The following BMP8B variants were observed in gnomAD, a reference collection of about 807,000 sequenced individuals.
The protein encoded by BMP8B is bone morphogenetic protein 8b, also known as bone morphogenetic protein 8 (osteogenic protein 2).
BMP8B carries 17 observed loss-of-function variants against 30.3 expected under a neutral mutation model. The observed-to-expected ratio is 0.56, with a 90% CI of 0.38 to 0.84. The LOEUF (loss-of-function observed/expected upper bound fraction) is 0.84. Ranked by LOEUF, BMP8B falls within the 40% of genes least tolerant of loss-of-function variation. The probability of loss-of-function intolerance (pLI) is 0.00; values close to 1 mark genes in which losing one functional copy is unlikely to be tolerated. For missense variants in BMP8B, 253 were observed against 494.6 expected (o/e 0.51, Z 4.63); for synonymous variants, 131 against 214.7 (o/e 0.61, Z 3.41).
At chr1:39,786,153 A>G (rs1650970679) in intron 1 of BMP8B, among the ~76,000 whole-genome samples, 2 of 152,244 alleles carry the variant, frequency 1.3e-5, no homozygotes, top group Admixed American at 6.5e-5. Flanking sequence ...CATGAGTTAA[A>G]TGAGGAATTG....
At chr1:39,785,855 T>G (rs1650945596) in intron 1 of BMP8B, among the ~76,000 whole-genome samples, 1 of 152,110 alleles carries the variant, frequency 6.6e-6, no homozygotes, top group South Asian at 2.1e-4. Context: ...TTAAAGCTAC[T>G]CTAACTGAGA....
chr1:39,786,473 C>T (rs1348659705), intron 1 of BMP8B, among the ~76,000 whole-genome samples: 1 of 152,102 alleles, frequency 6.6e-6, no homozygotes, highest in Non-Finnish European at 1.5e-5. Context: ...GGGTGAGGAA[C>T]TTTCCTAAGG....
chr1:39,764,856 G>A, intron 3 of BMP8B, 39 bp from the exon 4 acceptor site: 1 of 1,604,158 alleles, frequency 6.2e-7, no homozygotes, highest in Non-Finnish European at 8.5e-7. Flanking sequence ...CACGGGCAGT[G>A]GCCCTGCAGC....
chr1:39,787,147 A>C (rs1651039198), intron 1 of BMP8B, among the ~76,000 whole-genome samples: 1 of 152,004 alleles, frequency 6.6e-6, no homozygotes, highest in Non-Finnish European at 1.5e-5. Flanking sequence ...CTCATCTGGG[A>C]GATGGGGATG....
At chr1:39,775,067 A>C in intron 1 of BMP8B, 29 bp from the exon 2 acceptor site, 4 of 1,265,110 alleles carry the variant, frequency 3.2e-6, no homozygotes, top group Non-Finnish European at 4.4e-6. Flanking sequence ...CTGGGCTGGC[A>C]CTCAGAATGG....
chr1:39,778,616 C>T (rs1220928724), intron 1 of BMP8B, among the ~76,000 whole-genome samples: 1 of 152,132 alleles, frequency 6.6e-6, no homozygotes, highest in African/African-American at 2.4e-5. Context: ...AATGGTGCTG[C>T]TCTCATAATT....
At chr1:39,769,628 G>A (rs1279853347) in intron 3 of BMP8B, 29 of 1,448,054 alleles carry the variant, frequency 2.0e-5, no homozygotes. Flanking sequence ...CAGAGCTGGG[G>A]ACATGTATTC....
Position 39,771,099 on chromosome 1 carries a change from T to C in BMP8B, c.673+3209A>G, listed in dbSNP as rs748071943. On this transcript the variant is annotated intron_variant, in intron 3 of 6. Coordinates refer to ENST00000372827, the MANE Select transcript of BMP8B (RefSeq NM_001720.5). ...ATCATGACGGTCGCCCCGTCAGAGA[T>C]GTCCTTCACCATCTCCACCGGGTCC... is the stretch of plus-strand genomic sequence containing the variant. 71 of 1,562,116 alleles carry C rather than the reference T, an allele frequency of 4.5e-5. 5 individuals carry two copies. The highest frequency in any genetic ancestry group is 2.3e-5 in the East Asian group (1 of 44,016).
chr1:39,787,092 C>T (rs1248045030), intron 1 of BMP8B, among the ~76,000 whole-genome samples: 1 of 152,260 alleles, frequency 6.6e-6, no homozygotes, highest in Non-Finnish European at 1.5e-5. Context: ...AGCGTAGAGG[C>T]TGCGCTGTCC....
chr1:39,768,053 T>G (rs879152062), intron 3 of BMP8B, among the ~76,000 whole-genome samples: 49 of 151,000 alleles, frequency 3.2e-4, no homozygotes, highest in African/African-American at 1.2e-3. Flanking sequence ...CCAGGCTTGG[T>G]TGTCAACAGC....
In BMP8B at chr1:39,763,090, A is replaced by G. The variant is rs1649237053; in HGVS notation, c.1059+2T>C. The G allele has an allele frequency of 6.2e-7, 1 of 1,613,376 alleles. No homozygotes were observed. Among genetic ancestry groups the G allele is most frequent in the African/African-American group, 1.3e-5 (1 of 74,886 alleles). On this transcript the variant is annotated splice_donor_variant, in intron 6 of 6. Coordinates refer to ENST00000372827, the MANE Select transcript of BMP8B (RefSeq NM_001720.5). LOFTEE classifies it high-confidence loss of function. ...GCTGGGCAGGATGGGCATGGTACTG[A>G]CCAGGGACTGCAGGATGGCGTGGTT...
intron 1 of BMP8B, among the ~76,000 whole-genome samples, chr1:39,777,143 C>A (rs971802860): frequency 1.3e-5 from 2 of 152,196 alleles, no homozygotes; most frequent in African/African-American, 4.8e-5. Flanking sequence ...TTACATTTGA[C>A]ACAAGAATTC....
intron 3 of BMP8B, among the ~76,000 whole-genome samples, chr1:39,768,866 G>GAA (rs1257697325): frequency 6.7e-6 from 1 of 149,558 alleles, no homozygotes; most frequent in African/African-American, 2.5e-5. Flanking sequence ...GTCTAAAAAA[G>GAA]AAAAAAAATT....
At position 39,759,888 on chromosome 1, in the gene BMP8B, G is replaced by A. The variant is rs760781998; in HGVS notation, c.*531C>T. The A allele has an allele frequency of 6.4e-6, 1 of 155,102 alleles. No homozygotes were observed. The highest frequency in any genetic ancestry group is 2.4e-5 in the African/African-American group (1 of 41,500). 9.6% of individuals were successfully genotyped at this position (155,102 alleles called of 1,614,324 possible). The stretch of plus-strand genomic sequence containing the variant: ...CTGTGACCAGTGGATCAGTGCTTCA[G>A]ATCCATGAATATACAATACTTCAGG... On this transcript the variant is annotated 3_prime_UTR_variant, in exon 7 of 7. Transcript: ENST00000372827.
chr1:39,782,617 G>A (rs1036864595), intron 1 of BMP8B, among the ~76,000 whole-genome samples: 2 of 151,982 alleles, frequency 1.3e-5, no homozygotes, highest in Admixed American at 6.6e-5. Context: ...ACAGGCGCCT[G>A]CCACCACAGC....
Position 39,758,031 on chromosome 1 carries a change from A to C in BMP8B, c.*2388T>G, listed in dbSNP as rs777535288. The C allele has an allele frequency of 6.6e-6, 1 of 152,222 alleles. No individual in the cohort carries two copies. 9.4% of individuals were successfully genotyped at this position (152,222 alleles called of 1,614,324 possible). On this transcript the variant is annotated 3_prime_UTR_variant, in exon 7 of 7. Coordinates refer to ENST00000372827, the MANE Select transcript of BMP8B (RefSeq NM_001720.5). Reference sequence around the variant, plus strand: ...AATGGGTAAGGTGTACTCCATATCTACAAACCTTCAGGTAGTTTACAGACA... The same window carrying C: ...AATGGGTAAGGTGTACTCCATATCTCCAAACCTTCAGGTAGTTTACAGACA...
At chr1:39,782,030 C>T (rs1041032972) in intron 1 of BMP8B, among the ~76,000 whole-genome samples, 1 of 151,904 alleles carries the variant, frequency 6.6e-6, no homozygotes, top group African/African-American at 2.4e-5. Context: ...GTGGCGGGTG[C>T]CTGTAATCCC....
At chr1:39,786,103 C>T (rs867994469) in intron 1 of BMP8B, among the ~76,000 whole-genome samples, 1 of 152,180 alleles carries the variant, frequency 6.6e-6, no homozygotes, top group Non-Finnish European at 1.5e-5. Flanking sequence ...GCTATTTAAC[C>T]TCTCTGAGCC....
At chr1:39,762,725 G>A (rs1022858160) in intron 6 of BMP8B, 23 of 1,435,408 alleles carry the variant, frequency 1.6e-5, no homozygotes, top group South Asian at 1.2e-4. Flanking sequence ...CAGCGTACTC[G>A]GCGGCCCGTG....
Sources: gnomAD v4.1 joint callset for allele counts (sites outside exome capture counted in the v4.1 genomes callset) on GRCh38, gnomAD v4.1.1 for gene constraint, MANE v1.5 for transcripts, NCBI Gene and HGNC (gene_info 2026-07-23, HGNC 2026-07-21) for gene names.